SLCO5A1: variants seen among roughly 807,000 people sequenced by gnomAD.
SLCO5A1 encodes the protein solute carrier organic anion transporter family member 5A1.
In SLCO5A1, 39 loss-of-function variants were observed where a neutral mutation model predicts 65.1. That is an observed-to-expected ratio of 0.60 (90% confidence interval 0.46 to 0.78). The LOEUF is 0.78. SLCO5A1 is among the 30% of genes least tolerant of loss of function. The pLI is 0.00. For missense variants in SLCO5A1, 1,029 were observed against 1,069.4 expected (o/e 0.96, Z 0.53); for synonymous variants, 438 against 415.7 (o/e 1.05, Z -0.65).
At chr8:69,820,098 T>C in intron 2 of SLCO5A1, among the ~76,000 whole-genome samples, 1 of 152,228 alleles carries the variant, frequency 6.6e-6, no homozygotes, top group East Asian at 1.9e-4. Context: ...TCCTCTCCCA[T>C]ATAGCCTGGA....
At chr8:69,706,905 T>C (rs1285189139) in intron 5 of SLCO5A1, among the ~76,000 whole-genome samples, 2 of 152,194 alleles carry the variant, frequency 1.3e-5, no homozygotes, top group African/African-American at 4.8e-5. Context: ...CCCAGCACTT[T>C]GGGAGGCCGA....
At chr8:69,821,452 A>G (rs919661411) in intron 2 of SLCO5A1, among the ~76,000 whole-genome samples, 2 of 150,756 alleles carry the variant, frequency 1.3e-5, no homozygotes, top group Non-Finnish European at 3.0e-5. Flanking sequence ...GGAGGAGGAG[A>G]AGGAGAGGGA....
At chr8:69,792,229 G>C (rs1432941831) in intron 2 of SLCO5A1, among the ~76,000 whole-genome samples, 6 of 151,876 alleles carry the variant, frequency 4.0e-5, no homozygotes, top group Middle Eastern at 3.2e-3. Flanking sequence ...GCCAAACAGA[G>C]CAGTGCTATC....
rs891186643 is a variant in SLCO5A1, at chr8:69,763,668, A to ACAACAAATT, written c.908-1802_908-1794dup. Among the ~76,000 whole-genome samples, 27 of 150,012 alleles carry ACAACAAATT rather than the reference A, an allele frequency of 1.8e-4. No homozygotes were observed. The South Asian group carries it at 5.1e-3, about 28-fold the overall frequency. Reference sequence around the variant, plus strand: ...AAAAAAAAAGGGTGTATAGCAAACAACAACAAATTCATTAGCATTCCTTTA... The same window carrying ACAACAAATT: ...AAAAAAAAAGGGTGTATAGCAAACAACAACAAATTCAACAAATTCATTAGCATTCCTTTA... On this transcript the variant is annotated intron_variant, in intron 2 of 9. Coordinates refer to ENST00000260126, the MANE Select transcript of SLCO5A1 (RefSeq NM_030958.3).
At chr8:69,719,232 AT>A (rs1815704941) in intron 5 of SLCO5A1, among the ~76,000 whole-genome samples, 1 of 152,364 alleles carries the variant, frequency 6.6e-6, no homozygotes, top group South Asian at 2.1e-4. Flanking sequence ...CTTAACCAGT[AT>A]GCTAAATACT....
rs573608674 is a variant in SLCO5A1 at position 69,669,589 on chromosome 8, T to G, written c.*3280A>C. On this transcript the variant is annotated 3_prime_UTR_variant, in exon 10 of 10. Coordinates refer to ENST00000260126, the MANE Select transcript of SLCO5A1 (RefSeq NM_030958.3). ...CAGCACTTTGAGAGGCCAAGGCAGG[T>G]GGATCACTTGAGGTCAGGAGTTCAA... 2 of 152,182 alleles carry G rather than the reference T, an allele frequency of 1.3e-5. No individual in the cohort carries two copies. Among genetic ancestry groups the G allele is most frequent in the East Asian group, 3.9e-4 (2 of 5,168 alleles). The allele number at this position is 152,182 out of a possible 1,614,324, so 9.4% of individuals were successfully genotyped here. A position where few individuals can be genotyped will look rare whatever the true frequency, so the allele number is the denominator to read the frequency against.
chr8:69,760,778 G>A (rs186451146), intron 3 of SLCO5A1, among the ~76,000 whole-genome samples: 49 of 152,298 alleles, frequency 3.2e-4, no homozygotes, highest in African/African-American at 1.2e-3. Flanking sequence ...ACGCAACTCT[G>A]TTATTTGGAT....
At chr8:69,676,509 A>G (rs1261215630) in intron 9 of SLCO5A1, 100 bp downstream of exon 9, 3 of 957,816 alleles carry the variant, frequency 3.1e-6, no homozygotes, top group Admixed American at 2.3e-5. Context: ...AATCTTATTC[A>G]TGGTAATAAA....
intron 4 of SLCO5A1, among the ~76,000 whole-genome samples, chr8:69,753,908 C>A (rs1434588790): frequency 6.9e-6 from 1 of 145,962 alleles, no homozygotes. Flanking sequence ...GCCAGCTGTT[C>A]GGGAGGCTGA....
At chr8:69,796,724 ATTTCTTTGCT>A in intron 2 of SLCO5A1, among the ~76,000 whole-genome samples, 1 of 151,788 alleles carries the variant, frequency 6.6e-6, no homozygotes, top group South Asian at 2.1e-4. Flanking sequence ...CTTTCAGGTC[ATTTCTTTGCT>A]CATACATATG....
At chr8:69,793,122 C>T (rs1388456570) in intron 2 of SLCO5A1, among the ~76,000 whole-genome samples, 1 of 152,004 alleles carries the variant, frequency 6.6e-6, no homozygotes, top group East Asian at 1.9e-4. Context: ...TCTGGGACTA[C>T]AGGTGCACAC....
At chr8:69,692,705 G>T (rs1053479370) in intron 6 of SLCO5A1, among the ~76,000 whole-genome samples, 1 of 151,934 alleles carries the variant, frequency 6.6e-6, no homozygotes, top group Admixed American at 6.6e-5. Flanking sequence ...ACCTACACAG[G>T]GTCAGGATCA....
At chr8:69,679,134 T>C (rs1300384126) in intron 8 of SLCO5A1, among the ~76,000 whole-genome samples, 1 of 152,220 alleles carries the variant, frequency 6.6e-6, no homozygotes, top group African/African-American at 2.4e-5. Context: ...CGTTTCATTA[T>C]ACAGTAAGAA....
intron 3 of SLCO5A1, among the ~76,000 whole-genome samples, chr8:69,759,202 G>A (rs898969645): frequency 6.6e-6 from 1 of 152,058 alleles, no homozygotes; most frequent in Non-Finnish European, 1.5e-5. Flanking sequence ...GCTAGACATC[G>A]TATAAAATAA....
chr8:69,784,887 G>GA lies in SLCO5A1; in HGVS notation c.908-23013dup, dbSNP rs1457349710. On this transcript the variant is annotated intron_variant, in intron 2 of 9. Coordinates refer to ENST00000260126, the MANE Select transcript of SLCO5A1 (RefSeq NM_030958.3). Reference sequence around the variant, plus strand: ...AGGGAAGGAAGGAGAAAGAAAGAAAGAAGAAAGGAAGAAAGAAAGAAAGAA... The same window carrying GA: ...AGGGAAGGAAGGAGAAAGAAAGAAAGAAAGAAAGGAAGAAAGAAAGAAAGAA... Among the ~76,000 whole-genome samples, 208 of 76,240 alleles carry GA rather than the reference G, an allele frequency of 2.7e-3. 1 individual carries two copies. The highest frequency in any genetic ancestry group is 3.0e-3 in the Non-Finnish European group (114 of 38,294). The allele number at this position is 76,240 out of a possible 152,430, so 50.0% of individuals were successfully genotyped here. A position where few individuals can be genotyped will look rare whatever the true frequency, so the allele number is the denominator to read the frequency against.
At chr8:69,682,001 G>GA (rs200108893) in intron 7 of SLCO5A1, among the ~76,000 whole-genome samples, 183 bp downstream of exon 7, 39 of 150,796 alleles carry the variant, frequency 2.6e-4, no homozygotes, top group African/African-American at 5.4e-4. Flanking sequence ...GTCATCCCTG[G>GA]AAAAAAAAAT....
At chr8:69,688,959 G>A (rs1814119461) in intron 6 of SLCO5A1, among the ~76,000 whole-genome samples, 1 of 151,698 alleles carries the variant, frequency 6.6e-6, no homozygotes, top group Non-Finnish European at 1.5e-5. Context: ...CACCAACAGT[G>A]TAAAAGTGTT....
chr8:69,683,978 T>C (rs1288110477), intron 6 of SLCO5A1, among the ~76,000 whole-genome samples: 1 of 152,240 alleles, frequency 6.6e-6, no homozygotes, highest in Non-Finnish European at 1.5e-5. Flanking sequence ...TCTTTCAAAC[T>C]TTGATAATGA....
At chr8:69,788,393 T>A (rs1470698794) in intron 2 of SLCO5A1, among the ~76,000 whole-genome samples, 1 of 152,180 alleles carries the variant, frequency 6.6e-6, no homozygotes, top group East Asian at 1.9e-4. Context: ...GAAAATCTCG[T>A]TACCTATCTT....
Sources: allele counts gnomAD v4.1 joint callset (sites outside exome capture counted in the v4.1 genomes callset), GRCh38; gene constraint gnomAD v4.1.1; transcripts MANE v1.5; gene names NCBI Gene and HGNC (gene_info 2026-07-23, HGNC 2026-07-21).